Variants in LNP1 observed in about 807,000 individuals in gnomAD.
The protein encoded by LNP1 is leukemia NUP98 fusion partner 1.
A neutral mutation model predicts 14.5 loss-of-function variants in LNP1; 12 were observed. The observed-to-expected ratio is 0.83, with a 90% CI of 0.53 to 1.34. The LOEUF (loss-of-function observed/expected upper bound fraction) is 1.34, where lower values mean the gene tolerates loss of function less well. LNP1 is among the 40% of genes most tolerant of loss of function. The pLI is 0.00. For synonymous variants in LNP1, 75 were observed against 71.4 expected, an observed-to-expected ratio of 1.05 and a Z score of -0.26; for missense variants, 198 against 210.9, an observed-to-expected ratio of 0.94 and a Z score of 0.38.
intron 1 of LNP1, among the ~76,000 whole-genome samples, chr3:100,415,187 T>A (rs1707069772): frequency 6.6e-6 from 1 of 152,160 alleles, no homozygotes; most frequent in African/African-American, 2.4e-5. Context: ...AAACATATAC[T>A]GCAAAAGAGT....
chr3:100,418,487 A>T (rs1339466813), intron 1 of LNP1, among the ~76,000 whole-genome samples: 3 of 151,970 alleles, frequency 2.0e-5, no homozygotes, highest in African/African-American at 7.3e-5. Flanking sequence ...CATTTTTAAA[A>T]CAGAAATGCT....
chr3:100,426,158 C>G (rs190004331), intron 1 of LNP1, among the ~76,000 whole-genome samples: 58 of 152,246 alleles, frequency 3.8e-4, no homozygotes, highest in African/African-American at 1.3e-3. Context: ...TTCAAATGGT[C>G]CTATCAAAGA....
At chr3:100,445,772 T>C (rs1707381750) in intron 2 of LNP1, among the ~76,000 whole-genome samples, 1 of 152,134 alleles carries the variant, frequency 6.6e-6, no homozygotes, top group African/African-American at 2.4e-5. Context: ...AAAATCTATG[T>C]GCAAAAATCA....
At chr3:100,415,968 C>T (rs556789656) in intron 1 of LNP1, among the ~76,000 whole-genome samples, 2 of 152,184 alleles carry the variant, frequency 1.3e-5, no homozygotes, top group South Asian at 2.1e-4. Context: ...CAGATGCTGT[C>T]GTTTAGTCTT....
chr3:100,440,004 T>C (rs1258607762), intron 2 of LNP1, among the ~76,000 whole-genome samples: 1 of 152,232 alleles, frequency 6.6e-6, no homozygotes, highest in Non-Finnish European at 1.5e-5. Flanking sequence ...AAATTTATTT[T>C]CTTACAGTTC....
At chr3:100,439,605 AC>A (rs1707326583) in intron 2 of LNP1, among the ~76,000 whole-genome samples, 1 of 150,996 alleles carries the variant, frequency 6.6e-6, no homozygotes, top group South Asian at 2.1e-4. Flanking sequence ...CTTCTCCTCT[AC>A]CCCCCTAACA....
chr3:100,425,862 A>G (rs938709475), intron 1 of LNP1, among the ~76,000 whole-genome samples: 7 of 152,216 alleles, frequency 4.6e-5, no homozygotes, highest in Admixed American at 3.9e-4. Context: ...CAGCCTAGAA[A>G]ATATCAATTT....
chr3:100,411,280 C>T (rs1056989589), intron 1 of LNP1, among the ~76,000 whole-genome samples: 4 of 152,218 alleles, frequency 2.6e-5, no homozygotes, highest in African/African-American at 9.7e-5. Flanking sequence ...TCTGGTTTCA[C>T]AGGTTCACAC....
chr3:100,412,487 A>G (rs1248317709), intron 1 of LNP1, among the ~76,000 whole-genome samples: 1 of 152,136 alleles, frequency 6.6e-6, no homozygotes, highest in Non-Finnish European at 1.5e-5. Context: ...TTTATTGTCT[A>G]TTACATGCTT....
chr3:100,435,040 AAC>A (rs1707282005), intron 2 of LNP1, among the ~76,000 whole-genome samples: 1 of 152,098 alleles, frequency 6.6e-6, no homozygotes, highest in East Asian at 1.9e-4. Context: ...CCTGGGAGAG[AAC>A]ACATACTATC....
intron 2 of LNP1, among the ~76,000 whole-genome samples, chr3:100,447,051 A>G (rs1471169196): frequency 2.0e-5 from 3 of 152,206 alleles, no homozygotes. Context: ...CAATTCCTCA[A>G]GGATCTAGAA....
chr3:100,419,739 T>C (rs1707126596), intron 1 of LNP1, among the ~76,000 whole-genome samples: 1 of 152,082 alleles, frequency 6.6e-6, no homozygotes, highest in Admixed American at 6.5e-5. Context: ...AATTATATTT[T>C]ATTTATATAA....
chr3:100,448,182 A>G (rs182704372), intron 2 of LNP1, among the ~76,000 whole-genome samples: 42 of 152,120 alleles, frequency 2.8e-4, no homozygotes, highest in Admixed American at 4.6e-4. Flanking sequence ...AAAAGATTAG[A>G]CTTCACTGAC....
intron 1 of LNP1, among the ~76,000 whole-genome samples, chr3:100,426,647 G>GT (rs1475245839): frequency 2.6e-5 from 4 of 152,120 alleles, no homozygotes; most frequent in Admixed American, 6.5e-5. Flanking sequence ...TTCAAAAGGT[G>GT]TTTTTTCCAG....
chr3:100,456,023 G>C lies in LNP1; in HGVS notation c.*97G>C. 7.2e-7 allele frequency: 1 copy of C among 1,387,536 alleles called. No homozygotes were observed. Among genetic ancestry groups the C allele is most frequent in the Non-Finnish European group, 9.8e-7 (1 of 1,016,392 alleles). The allele number at this position is 1,387,536 out of a possible 1,614,324, so 86.0% of individuals were successfully genotyped here. A position where few individuals can be genotyped will look rare whatever the true frequency, so the allele number is the denominator to read the frequency against. ...TCAGGATGTGGATGGGGGCGGGGTTGGGGGTAAAAACAGCTATAAAAAGCA... is the reference window on the plus strand; with the variant it reads ...TCAGGATGTGGATGGGGGCGGGGTTCGGGGTAAAAACAGCTATAAAAAGCA... On this transcript the variant is annotated 3_prime_UTR_variant, in exon 4 of 4. Coordinates refer to ENST00000383693, the MANE Select transcript of LNP1 (RefSeq NM_001085451.2).
At chr3:100,441,788 G>A (rs958456596) in intron 2 of LNP1, among the ~76,000 whole-genome samples, 7 of 151,834 alleles carry the variant, frequency 4.6e-5, no homozygotes, top group South Asian at 2.1e-4. Flanking sequence ...TCAGCCTCCC[G>A]AGTAGCTGGG....
chr3:100,443,018 C>T (rs577932221), intron 2 of LNP1, among the ~76,000 whole-genome samples: 2 of 152,198 alleles, frequency 1.3e-5, no homozygotes, highest in Admixed American at 6.5e-5. Flanking sequence ...GGTCACATTA[C>T]TCTGAAGTCC....
intron 3 of LNP1, 61 bp from the exon 4 acceptor site, chr3:100,455,716 A>C: frequency 6.6e-7 from 1 of 1,506,776 alleles, no homozygotes; most frequent in Non-Finnish European, 9.2e-7. Context: ...TTATTAAGAG[A>C]AATGTGGAGT....
chr3:100,404,891 C>T (rs1559838233), intron 1 of LNP1, among the ~76,000 whole-genome samples: 1 of 149,562 alleles, frequency 6.7e-6, no homozygotes. Flanking sequence ...CTCCTGGGTT[C>T]AAGCGATTCT....
Sources: allele counts gnomAD v4.1 joint callset (sites outside exome capture counted in the v4.1 genomes callset), GRCh38; gene constraint gnomAD v4.1.1; transcripts MANE v1.5; gene names NCBI Gene and HGNC (gene_info 2026-07-23, HGNC 2026-07-21).